CALN1: variants seen among roughly 807,000 people sequenced by gnomAD.
CALN1 encodes calneuron 1.
In CALN1, 17 loss-of-function variants were observed where a neutral mutation model predicts 30.6. The observed-to-expected ratio is 0.56, with a 90% confidence interval of 0.38 to 0.83. The LOEUF is 0.83. Ranked by LOEUF, CALN1 falls within the 40% of genes least tolerant of loss-of-function variation. The pLI, the probability that CALN1 is intolerant of heterozygous loss-of-function variation, is 0.00. For missense variants in CALN1, 291 were observed against 354.9 expected (o/e 0.82, Z 1.45); for synonymous variants, 156 against 131.4 (o/e 1.19, Z -1.28).
At chr7:72,301,097 T>C (rs753013151) in intron 2 of CALN1, among the ~76,000 whole-genome samples, 1 of 152,180 alleles carries the variant, frequency 6.6e-6, no homozygotes, top group Non-Finnish European at 1.5e-5. Flanking sequence ...AATTCATCCA[T>C]CTTTACAGAC....
the CALN1 span, among the ~76,000 whole-genome samples, chr7:72,476,671 C>T: frequency 1.3e-5 from 2 of 152,208 alleles, no homozygotes; most frequent in Non-Finnish European, 2.9e-5. Flanking sequence ...TGCTCTCAGC[C>T]TATAGCATTC....
intron 2 of CALN1, among the ~76,000 whole-genome samples, chr7:72,368,529 A>C (rs1423276525): frequency 6.6e-6 from 1 of 152,110 alleles, no homozygotes; most frequent in Non-Finnish European, 1.5e-5. Flanking sequence ...CAAAGGAGAA[A>C]TGAAAATGTC....
intron 5 of CALN1, among the ~76,000 whole-genome samples, chr7:71,935,885 A>T (rs1425414605): frequency 6.6e-6 from 1 of 152,228 alleles, no homozygotes. Context: ...TCTACAGGTT[A>T]CATGTACCTT....
chr7:72,045,441 C>CAT (rs1802404586), intron 4 of CALN1, among the ~76,000 whole-genome samples: 1 of 152,168 alleles, frequency 6.6e-6, no homozygotes, highest in Non-Finnish European at 1.5e-5. Flanking sequence ...ACAACCCCAG[C>CAT]ATATTACATG....
chr7:72,169,777 C>T (rs558662079), intron 3 of CALN1, among the ~76,000 whole-genome samples: 6 of 150,708 alleles, frequency 4.0e-5, no homozygotes, highest in Non-Finnish European at 7.4e-5. Context: ...GCAACTTCCA[C>T]CTCCTGGGTT....
At chr7:72,207,393 G>A (rs185239481) in intron 3 of CALN1, among the ~76,000 whole-genome samples, 15 of 152,150 alleles carry the variant, frequency 9.9e-5, no homozygotes, top group African/African-American at 3.1e-4. Flanking sequence ...ACTCCTATGC[G>A]GTTCCCAACC....
At chr7:72,083,838 G>A (rs1805311661) in intron 4 of CALN1, among the ~76,000 whole-genome samples, 1 of 151,836 alleles carries the variant, frequency 6.6e-6, no homozygotes, top group African/African-American at 2.4e-5. Flanking sequence ...AGAATCGCTT[G>A]AACCATATCT....
intron 2 of CALN1, chr7:72,336,811 C>T (rs920207246): frequency 4.1e-6 from 4 of 984,950 alleles, no homozygotes; most frequent in South Asian, 4.7e-5. Context: ...ATGGATGCGC[C>T]GAGCGGGCAG....
At chr7:72,380,396 G>T (rs921976177) in intron 2 of CALN1, among the ~76,000 whole-genome samples, 1 of 152,184 alleles carries the variant, frequency 6.6e-6, no homozygotes, top group African/African-American at 2.4e-5. Context: ...AACACTTTGA[G>T]AGGATCATTT....
At chr7:72,276,029 C>G (rs1421142827) in intron 3 of CALN1, among the ~76,000 whole-genome samples, 1 of 152,118 alleles carries the variant, frequency 6.6e-6, no homozygotes, top group Non-Finnish European at 1.5e-5. Flanking sequence ...TCATTCATGG[C>G]AAAGTTGGGA....
chr7:71,820,215 T>C (rs1007934941), intron 5 of CALN1, among the ~76,000 whole-genome samples: 1 of 152,168 alleles, frequency 6.6e-6, no homozygotes, highest in African/African-American at 2.4e-5. Flanking sequence ...AGTCTTTAGA[T>C]AATACCTCAA....
chr7:71,902,429 T>C lies in CALN1; in HGVS notation c.502-91937A>G, dbSNP rs1201186773. On this transcript the variant is annotated intron_variant, in intron 5 of 6. Transcript: ENST00000395275. Reference sequence around the variant, plus strand: ...AAATAACAGTAAAAAATAACAGGTATTGGAGAGGATGTGAAGAAAAGCAAA... The same window carrying C: ...AAATAACAGTAAAAAATAACAGGTACTGGAGAGGATGTGAAGAAAAGCAAA... Among the ~76,000 whole-genome samples, 3 of 152,056 alleles carry C rather than the reference T, an allele frequency of 2.0e-5. No individual in the cohort carries two copies. In the East Asian group the frequency reaches 5.8e-4, roughly 29 times the overall value.
chr7:72,329,681 C>T (rs554293733), intron 2 of CALN1, among the ~76,000 whole-genome samples: 19 of 152,310 alleles, frequency 1.2e-4, no homozygotes, highest in African/African-American at 3.4e-4. Flanking sequence ...TGGTTGGGCG[C>T]GGTGGCTCAT....
intron 3 of CALN1, among the ~76,000 whole-genome samples, chr7:72,126,437 T>TAAACAC (rs77093742): frequency 6.6e-6 from 1 of 151,942 alleles, no homozygotes; most frequent in Non-Finnish European, 1.5e-5. Context: ...GCTATAAACA[T>TAAACAC]GTGTGCGCAT....
intron 5 of CALN1, among the ~76,000 whole-genome samples, chr7:71,963,556 T>C (rs1166554844): frequency 6.6e-6 from 1 of 151,500 alleles, no homozygotes; most frequent in Admixed American, 6.6e-5. Flanking sequence ...CCGCCCACCT[T>C]GGCCTCCCAA....
intron 3 of CALN1, among the ~76,000 whole-genome samples, chr7:72,249,806 G>A (rs1466300996): frequency 6.6e-6 from 1 of 151,986 alleles, no homozygotes; most frequent in Non-Finnish European, 1.5e-5. Flanking sequence ...GTGTGGTGGT[G>A]GGCACCTGTA....
chr7:72,384,318 CAGAG>C (rs1258810544), intron 2 of CALN1, among the ~76,000 whole-genome samples: 11 of 152,118 alleles, frequency 7.2e-5, no homozygotes, highest in African/African-American at 1.9e-4. Flanking sequence ...TAGAGGAACA[CAGAG>C]AGAATAAAAA....
intron 4 of CALN1, among the ~76,000 whole-genome samples, chr7:72,095,329 A>T (rs1468317624): frequency 6.6e-6 from 1 of 152,168 alleles, no homozygotes; most frequent in Admixed American, 6.5e-5. Context: ...CAGGGTTATT[A>T]TTGGGGTCCT....
At chr7:71,918,896 C>T (rs1050525006) in intron 5 of CALN1, among the ~76,000 whole-genome samples, 3 of 152,140 alleles carry the variant, frequency 2.0e-5, no homozygotes, top group African/African-American at 7.2e-5. Context: ...GTTCTACTTT[C>T]TTTGGTTGCA....
Sources: allele counts gnomAD v4.1 joint callset (sites outside exome capture counted in the v4.1 genomes callset), GRCh38; gene constraint gnomAD v4.1.1; transcripts MANE v1.5; gene names NCBI Gene and HGNC (gene_info 2026-07-23, HGNC 2026-07-21).